The following OR2Z1 variants were observed in gnomAD, a reference collection of about 807,000 sequenced individuals.
The protein encoded by OR2Z1 is olfactory receptor 2Z1.
For synonymous variants in OR2Z1, 188 were observed against 160.6 expected, an observed-to-expected ratio of 1.17 and a Z score of -1.29; for missense variants, 449 against 401.8, an observed-to-expected ratio of 1.12 and a Z score of -1.00.
intron 2 of OR2Z1, 96 bp from the exon 3 acceptor site, chr19:8,730,764 G>A: frequency 1.9e-6 from 1 of 529,034 alleles, no homozygotes; most frequent in Non-Finnish European, 3.4e-6. Flanking sequence ...GCTCTTCATT[G>A]GAGTGTGGCC....
At position 8,731,193 on chromosome 19, in the gene OR2Z1, C is replaced by T. The variant is rs2043351981; in HGVS notation, c.165C>T (p.Leu55=). ...LLFLIRVDSR[L]HTPMYFLLSQ... is the part of the protein sequence containing the mutation. ...TCTTGATCCGTGTGGACTCCCGGCT[C>T]CACACACCCATGTACTTCCTGCTCA... The change falls in exon 3 of 3, where the codon CTC becomes CTT. Residue 55 remains leucine (L), a synonymous_variant. Transcript: ENST00000641125. 6.2e-7 allele frequency: 1 copy of T among 1,614,078 alleles called. No individual in the cohort carries two copies. Among genetic ancestry groups the T allele is most frequent in the African/African-American group, 1.3e-5 (1 of 74,992 alleles).
intron 2 of OR2Z1, among the ~76,000 whole-genome samples, chr19:8,728,286 T>G (rs2145079220): frequency 6.6e-6 from 1 of 152,354 alleles, no homozygotes; most frequent in East Asian, 1.9e-4. Flanking sequence ...TGTGCAGCTC[T>G]TCCTGGTTCT....
At chr19:8,724,263 C>T (rs2043318974) in intron 2 of OR2Z1, among the ~76,000 whole-genome samples, 1 of 151,608 alleles carries the variant, frequency 6.6e-6, no homozygotes, top group Non-Finnish European at 1.5e-5. Context: ...GGGTCTCACT[C>T]TGTGTTCTGT....
At chr19:8,729,852 A>G (rs1242078018) in intron 2 of OR2Z1, among the ~76,000 whole-genome samples, 1 of 152,002 alleles carries the variant, frequency 6.6e-6, no homozygotes, top group Non-Finnish European at 1.5e-5. Context: ...GGCCTCTCAA[A>G]GTGCTGGGAT....
chr19:8,727,536 C>A (rs2043332430), intron 2 of OR2Z1, among the ~76,000 whole-genome samples: 1 of 151,720 alleles, frequency 6.6e-6, no homozygotes, highest in African/African-American at 2.4e-5. Context: ...CACATGTACC[C>A]TAAAACTTAA....
At chr19:8,725,025 C>G (rs2043322011) in intron 2 of OR2Z1, among the ~76,000 whole-genome samples, 1 of 152,172 alleles carries the variant, frequency 6.6e-6, no homozygotes, top group Non-Finnish European at 1.5e-5. Context: ...CTTCAAAACT[C>G]AGCTCCAATG....
chr19:8,729,684 G>A (rs1256611808), intron 2 of OR2Z1, among the ~76,000 whole-genome samples: 1 of 151,818 alleles, frequency 6.6e-6, no homozygotes, highest in Non-Finnish European at 1.5e-5. Context: ...TCCGCCTCCT[G>A]GGTTCAAGCG....
intron 2 of OR2Z1, among the ~76,000 whole-genome samples, chr19:8,725,676 C>A (rs782612912): frequency 6.6e-6 from 1 of 152,218 alleles, no homozygotes; most frequent in African/African-American, 2.4e-5. Context: ...TTAACATCCA[C>A]CTTCCAGTAG....
At chr19:8,729,293 C>T (rs182602554) in intron 2 of OR2Z1, 36 of 550,396 alleles carry the variant, frequency 6.5e-5, no homozygotes, top group Non-Finnish European at 1.1e-4. Flanking sequence ...TATATTCCTG[C>T]GTACCCAGTG....
chr19:8,731,253 G>T lies in OR2Z1; in HGVS notation c.225G>T (p.Met75Ile). ...QLSLFDIGCP[M>I]VTIPKMASDF... is the part of the protein sequence containing the mutation. ...CCCTGTTTGACATTGGCTGTCCCATGGTCACCATCCCCAAGATGGCATCAG... is the reference window on the plus strand; with the variant it reads ...CCCTGTTTGACATTGGCTGTCCCATTGTCACCATCCCCAAGATGGCATCAG... The change falls in exon 3 of 3, where the codon ATG becomes ATT. Residue 75 changes from methionine to isoleucine, a missense_variant. Met to Ile is a conservative substitution (Grantham distance 10). Transcript: ENST00000641125. The T allele has an allele frequency of 6.2e-7, 1 of 1,613,858 alleles. No individual in the cohort carries two copies. The highest frequency in any genetic ancestry group is 8.5e-7 in the Non-Finnish European group (1 of 1,179,816).
chr19:8,729,326 G>C, intron 2 of OR2Z1: 1 of 443,550 alleles, frequency 2.3e-6, no homozygotes, highest in Non-Finnish European at 4.1e-6. Flanking sequence ...TGATAAGTGA[G>C]AACATGTGGT....
At chr19:8,726,169 G>A (rs1429796822) in intron 2 of OR2Z1, among the ~76,000 whole-genome samples, 1 of 152,158 alleles carries the variant, frequency 6.6e-6, no homozygotes, top group Non-Finnish European at 1.5e-5. Context: ...GTTTCACCGT[G>A]TTGACCAGGC....
At chr19:8,725,918 C>G (rs890257129) in intron 2 of OR2Z1, among the ~76,000 whole-genome samples, 2 of 152,146 alleles carry the variant, frequency 1.3e-5, no homozygotes, top group African/African-American at 2.4e-5. Context: ...GAGGGAGAAG[C>G]AGATGTCTTA....
chr19:8,727,908 A>T (rs531586716), intron 2 of OR2Z1, among the ~76,000 whole-genome samples: 1 of 152,314 alleles, frequency 6.6e-6, no homozygotes, highest in African/African-American at 2.4e-5. Context: ...AAACACCTCA[A>T]TTGGGTTGAG....
chr19:8,724,001 TGTGTG>T (rs2043317343), intron 2 of OR2Z1, among the ~76,000 whole-genome samples: 16 of 133,194 alleles, frequency 1.2e-4, no homozygotes, highest in South Asian at 4.2e-4. Context: ...TGTGTGTGTG[TGTGTG>T]TGTGTATGTG....
At position 8,731,898 on chromosome 19, in the gene OR2Z1, C is replaced by A; in HGVS notation, c.870C>A (p.Tyr290Ter). 1 of 1,614,240 alleles carries A rather than the reference C, an allele frequency of 6.2e-7. No individual in the cohort carries two copies. The highest frequency in any genetic ancestry group is 8.5e-7 in the Non-Finnish European group (1 of 1,180,044). ...CCCCTACACTCAACCCCCTTATCTA[C>A]AGTCTGAGGAATCCGGAGGTGTGGA... ...LVTPTLNPLI[Y>*]SLRNPEVWMA... Residue 290 changes from tyrosine (Y) to a stop codon, truncating the protein, a stop_gained, in exon 3 of 3, where the codon TAC becomes TAA. Transcript: ENST00000641125. LOFTEE classifies it low-confidence loss of function (END_TRUNC).
chr19:8,729,994 C>T (rs1465317670), intron 2 of OR2Z1, among the ~76,000 whole-genome samples: 1 of 152,070 alleles, frequency 6.6e-6, no homozygotes, highest in Non-Finnish European at 1.5e-5. Flanking sequence ...CAGGCATGAG[C>T]CACTGTGCCC....
chr19:8,723,894 T>A (rs1555755880), intron 2 of OR2Z1, among the ~76,000 whole-genome samples: 1 of 151,318 alleles, frequency 6.6e-6, no homozygotes, highest in Non-Finnish European at 1.5e-5. Flanking sequence ...AAGTGTGGCT[T>A]CTCTACCAGA....
intron 2 of OR2Z1, among the ~76,000 whole-genome samples, chr19:8,724,905 T>C (rs993514541): frequency 3.3e-5 from 5 of 152,112 alleles, no homozygotes; most frequent in Non-Finnish European, 5.9e-5. Context: ...TTTTATGTCT[T>C]ACTCCTGGGT....
Sources: allele counts gnomAD v4.1 joint callset (sites outside exome capture counted in the v4.1 genomes callset), GRCh38; gene constraint gnomAD v4.1.1; transcripts MANE v1.5; gene names NCBI Gene and HGNC (gene_info 2026-07-23, HGNC 2026-07-21).